Variants in PDE4D observed in about 807,000 individuals in gnomAD.
The protein encoded by PDE4D is phosphodiesterase 4D, also known as 3',5'-cyclic-AMP phosphodiesterase 4D.
In PDE4D, 24 loss-of-function variants were observed where a neutral mutation model predicts 87.4. The observed-to-expected ratio is 0.27, with a 90% CI of 0.20 to 0.39. The LOEUF is 0.39. PDE4D is among the 10% of genes least tolerant of loss of function. The pLI is 1.00. For missense variants in PDE4D, 714 were observed against 1,041.0 expected (o/e 0.69, Z 4.32); for synonymous variants, 384 against 383.2 (o/e 1.00, Z -0.02).
chr5:59,854,807 C>T (rs778333512), intron 1 of PDE4D, among the ~76,000 whole-genome samples: 43 of 151,858 alleles, frequency 2.8e-4, no homozygotes, highest in Non-Finnish European at 1.8e-4. Flanking sequence ...ATTTATTCAC[C>T]CTCTCTCCCA....
At chr5:60,370,377 A>G (rs982209814) in intron 1 of PDE4D, among the ~76,000 whole-genome samples, 1 of 152,244 alleles carries the variant, frequency 6.6e-6, no homozygotes, top group Admixed American at 6.5e-5. Context: ...TTGTAACAAC[A>G]TATCATCGAC....
At position 58,975,621 on chromosome 5, in the gene PDE4D, C is replaced by G. The variant is rs540410551; in HGVS notation, c.2013+36G>C. The G allele has an allele frequency of 6.9e-7, 1 of 1,446,782 alleles. No homozygotes were observed. 89.6% of individuals were successfully genotyped at this position (1,446,782 alleles called of 1,614,324 possible). ...GTAACCAAATGCTAAAGCGGTAGCT[C>G]TGTTCTCTCTGAAAGCTATACACTT... On this transcript the variant is annotated intron_variant, in intron 14 of 14. Transcript: ENST00000340635. The surrounding 1 kb of genome is among the most constrained non-coding windows in gnomAD (Gnocchi z 4.2).
intron 5 of PDE4D, among the ~76,000 whole-genome samples, chr5:59,127,726 C>T (rs946411883): frequency 6.6e-6 from 1 of 151,734 alleles, no homozygotes; most frequent in South Asian, 2.1e-4. Context: ...GATGACTCTG[C>T]TGACGTCAAT....
At chr5:59,363,505 G>T (rs1782551943) in intron 1 of PDE4D, among the ~76,000 whole-genome samples, 2 of 152,172 alleles carry the variant, frequency 1.3e-5, no homozygotes, top group African/African-American at 4.8e-5. Flanking sequence ...AAAAGGTCAG[G>T]TCACCTTCCT....
At position 59,368,600 on chromosome 5, in the gene PDE4D, C is replaced by T. The variant is rs143908164; in HGVS notation, c.456-152632G>A. On this transcript the variant is annotated intron_variant, in intron 1 of 14. Coordinates refer to ENST00000340635, the MANE Select transcript of PDE4D (RefSeq NM_001104631.2). ...TGATTTGCAATTATCTGGATAACTGCTCAGCAGGAAAAACCAAATTTTGGA... is the reference window on the plus strand; with the variant it reads ...TGATTTGCAATTATCTGGATAACTGTTCAGCAGGAAAAACCAAATTTTGGA... Among the ~76,000 whole-genome samples, 22 of 152,218 alleles carry T rather than the reference C, an allele frequency of 1.4e-4. No individual in the cohort carries two copies. In the East Asian group the frequency reaches 3.7e-3, roughly 25 times the overall value.
chr5:59,423,459 A>AT (rs1001104804), intron 1 of PDE4D, among the ~76,000 whole-genome samples: 1 of 151,990 alleles, frequency 6.6e-6, no homozygotes, highest in Non-Finnish European at 1.5e-5. Flanking sequence ...CCATTGCCAA[A>AT]TTTTTTCTGA....
At chr5:59,799,335 G>A (rs1368992060) in intron 1 of PDE4D, among the ~76,000 whole-genome samples, 2 of 152,208 alleles carry the variant, frequency 1.3e-5, no homozygotes, top group Non-Finnish European at 2.9e-5. Context: ...GTGTAATGAT[G>A]AGGGAAATTG....
chr5:59,112,343 T>G (rs1480107899), intron 5 of PDE4D, among the ~76,000 whole-genome samples: 1 of 152,190 alleles, frequency 6.6e-6, no homozygotes, highest in Non-Finnish European at 1.5e-5. Flanking sequence ...GCCACAATAA[T>G]CACTTTTAAC....
intron 1 of PDE4D, among the ~76,000 whole-genome samples, chr5:59,687,974 G>C (rs1019013497): frequency 6.6e-6 from 1 of 152,098 alleles, no homozygotes; most frequent in African/African-American, 2.4e-5. Flanking sequence ...GACAAAGAAG[G>C]CCATTACGTA....
chr5:59,261,324 G>T (rs1452675003), intron 1 of PDE4D, among the ~76,000 whole-genome samples: 1 of 151,786 alleles, frequency 6.6e-6, no homozygotes, highest in East Asian at 1.9e-4. Flanking sequence ...TATTAATGCA[G>T]TTATAGCCAG....
At position 60,129,393 on chromosome 5, in the gene PDE4D, AAATG is replaced by A. The variant is rs200649130; in HGVS notation, c.42+56160_42+56163del. On this transcript the variant is annotated intron_variant, in intron 2 of 16. Coordinates refer to the PDE4D transcript ENST00000502484. ...GAAGAGGCAGGAAAAAAGAAATGTC[AAATG>A]CATGAAAGTATTATTAACATGATTG... Among the ~76,000 whole-genome samples, 1,105 of 152,326 alleles carry A rather than the reference AAATG, an allele frequency of 7.3e-3. 6 individuals are homozygous for A. The highest frequency in any genetic ancestry group is 0.014 in the Admixed American group (209 of 15,294).
At chr5:59,253,593 G>A (rs746625466) in intron 1 of PDE4D, among the ~76,000 whole-genome samples, 183 of 152,076 alleles carry the variant, frequency 1.2e-3, no homozygotes, top group Non-Finnish European at 2.1e-3. Context: ...CTCTCAAAGG[G>A]ACTTTTAACT....
At position 59,471,531 on chromosome 5, in the gene PDE4D, C is replaced by T. The variant is rs1802444380; in HGVS notation, c.456-255563G>A. Among the ~76,000 whole-genome samples the T allele has an allele frequency of 2.0e-5, 3 of 152,230 alleles. No individual in the cohort carries two copies. In the South Asian group the frequency reaches 6.2e-4, roughly 31 times the overall value. ...GGTAAAGATAAACTATTAACTGACA[C>T]AGGGTGCAAAGCACCACAAAGCAGC... On this transcript the variant is annotated intron_variant, in intron 1 of 14. Transcript: ENST00000340635.
intron 1 of PDE4D, among the ~76,000 whole-genome samples, chr5:59,283,781 C>T (rs1766309128): frequency 6.6e-6 from 1 of 152,142 alleles, no homozygotes; most frequent in African/African-American, 2.4e-5. Context: ...TGGATTGATT[C>T]AATCTGGGAA....
chr5:60,454,348 G>A (rs1443759827), intron 1 of PDE4D, among the ~76,000 whole-genome samples: 1 of 152,116 alleles, frequency 6.6e-6, no homozygotes, highest in Non-Finnish European at 1.5e-5. Flanking sequence ...ATACACGCAT[G>A]CGTATGTTTA....
chr5:60,472,599 T>G (rs1747895835), intron 1 of PDE4D, among the ~76,000 whole-genome samples: 2 of 152,184 alleles, frequency 1.3e-5, no homozygotes, highest in Admixed American at 1.3e-4. Flanking sequence ...AGCCCATTGT[T>G]GCCAAATCTT....
chr5:59,651,059 T>G (rs1023535387), intron 1 of PDE4D, among the ~76,000 whole-genome samples: 6 of 151,724 alleles, frequency 4.0e-5, no homozygotes, highest in Admixed American at 6.6e-5. Context: ...ATCGAGACCA[T>G]CCTGGCCAAC....
chr5:60,384,722 G>T (rs1762088119), intron 1 of PDE4D, among the ~76,000 whole-genome samples: 2 of 152,200 alleles, frequency 1.3e-5, no homozygotes, highest in East Asian at 1.9e-4. Flanking sequence ...CCCACACTCA[G>T]CTTGAGTGAC....
chr5:60,319,617 T>C (rs920189994), intron 1 of PDE4D, among the ~76,000 whole-genome samples: 2 of 152,226 alleles, frequency 1.3e-5, no homozygotes, highest in African/African-American at 4.8e-5. Flanking sequence ...TGTGGTTTTA[T>C]CTACCTTTGG....
Sources: allele counts gnomAD v4.1 joint callset (sites outside exome capture counted in the v4.1 genomes callset), GRCh38; gene constraint gnomAD v4.1.1; non-coding constraint Gnocchi (gnomAD v3.1); transcripts MANE v1.5; gene names NCBI Gene and HGNC (gene_info 2026-07-23, HGNC 2026-07-21).